SLC24A2: variants seen among roughly 807,000 people sequenced by gnomAD.
The protein encoded by SLC24A2 is solute carrier family 24 member 2, also known as sodium/potassium/calcium exchanger 2.
SLC24A2 carries 36 observed loss-of-function variants against 62.0 expected under a neutral mutation model. The observed-to-expected ratio is 0.58, with a 90% CI of 0.44 to 0.77. The LOEUF is 0.77. Ranked by LOEUF, SLC24A2 falls within the 30% of genes least tolerant of loss-of-function variation. The pLI, the probability that SLC24A2 is intolerant of heterozygous loss-of-function variation, is 0.00. For synonymous variants in SLC24A2, 358 were observed against 294.0 expected, an observed-to-expected ratio of 1.22 and a Z score of -2.23; for missense variants, 846 against 817.9, an observed-to-expected ratio of 1.03 and a Z score of -0.42.
At chr9:20,030,492 G>C in the SLC24A2 span, among the ~76,000 whole-genome samples, 1 of 152,108 alleles carries the variant, frequency 6.6e-6, no homozygotes. Flanking sequence ...GAGGAGGAAG[G>C]GGACTGACTG....
the SLC24A2 span, among the ~76,000 whole-genome samples, chr9:20,130,496 C>A: frequency 6.6e-6 from 1 of 151,480 alleles, no homozygotes; most frequent in Non-Finnish European, 1.5e-5. Context: ...ACCACACAAG[C>A]AAGAACCTAA....
chr9:20,116,299 C>T, the SLC24A2 span, among the ~76,000 whole-genome samples: 1 of 152,108 alleles, frequency 6.6e-6, no homozygotes, highest in South Asian at 2.1e-4. Flanking sequence ...CTGCTTAGGT[C>T]CTTATGGATC....
At chr9:19,723,207 C>T (rs1475724928) in intron 2 of SLC24A2, among the ~76,000 whole-genome samples, 1 of 152,064 alleles carries the variant, frequency 6.6e-6, no homozygotes, top group Non-Finnish European at 1.5e-5. Context: ...ATTTAATTTA[C>T]AATAAATCTC....
chr9:19,631,226 A>T (rs1226960015), intron 2 of SLC24A2, among the ~76,000 whole-genome samples: 1 of 152,182 alleles, frequency 6.6e-6, no homozygotes, highest in Non-Finnish European at 1.5e-5. Context: ...ATTTTTAATG[A>T]GCCCATATGC....
intron 2 of SLC24A2, among the ~76,000 whole-genome samples, chr9:19,758,703 C>T (rs1038098840): frequency 1.1e-4 from 17 of 151,942 alleles, no homozygotes; most frequent in Non-Finnish European, 2.4e-4. Context: ...GGGTCCAAGA[C>T]GAAAGAAGAA....
At chr9:20,108,875 CAT>C in the SLC24A2 span, among the ~76,000 whole-genome samples, 15 of 151,134 alleles carry the variant, frequency 9.9e-5, no homozygotes, top group African/African-American at 3.4e-4. Flanking sequence ...AAAAAGAAAA[CAT>C]AAATGAAAAT....
At chr9:19,775,096 T>G (rs1822807004) in intron 2 of SLC24A2, among the ~76,000 whole-genome samples, 1 of 152,176 alleles carries the variant, frequency 6.6e-6, no homozygotes, top group Admixed American at 6.5e-5. Flanking sequence ...GATGCAAAAT[T>G]GTGACTGCAC....
intron 5 of SLC24A2, among the ~76,000 whole-genome samples, chr9:19,591,341 C>CAGTT (rs1473971619): frequency 1.3e-5 from 2 of 152,202 alleles, no homozygotes; most frequent in East Asian, 3.8e-4. Context: ...CACCAACACA[C>CAGTT]AGTTATATGA....
the SLC24A2 span, among the ~76,000 whole-genome samples, chr9:20,029,516 C>G: frequency 1.3e-5 from 2 of 152,138 alleles, no homozygotes; most frequent in African/African-American, 4.8e-5. Flanking sequence ...TCTTATGGGT[C>G]TCTGTTGGGC....
At chr9:20,024,692 G>A in the SLC24A2 span, among the ~76,000 whole-genome samples, 1 of 152,112 alleles carries the variant, frequency 6.6e-6, no homozygotes. Flanking sequence ...TTGTGTGTGC[G>A]TGTCCAGCTT....
At chr9:19,857,355 C>T in the SLC24A2 span, among the ~76,000 whole-genome samples, 2 of 152,266 alleles carry the variant, frequency 1.3e-5, no homozygotes, top group East Asian at 3.9e-4. Flanking sequence ...CTTCCCATCC[C>T]CAAATCCTCA....
At chr9:19,706,411 G>A (rs1303727153) in intron 2 of SLC24A2, among the ~76,000 whole-genome samples, 8 of 141,286 alleles carry the variant, frequency 5.7e-5, no homozygotes, top group African/African-American at 1.9e-4. Flanking sequence ...ACGGAGTTTC[G>A]CTCTGTCGCC....
intron 2 of SLC24A2, among the ~76,000 whole-genome samples, chr9:19,782,815 C>A (rs936255428): frequency 6.6e-6 from 1 of 152,140 alleles, no homozygotes; most frequent in South Asian, 2.1e-4. Flanking sequence ...TATCATTATT[C>A]TCATTTTCCA....
At chr9:19,775,191 C>A (rs1587308520) in intron 2 of SLC24A2, among the ~76,000 whole-genome samples, 1 of 152,206 alleles carries the variant, frequency 6.6e-6, no homozygotes, top group Non-Finnish European at 1.5e-5. Flanking sequence ...ATACAAGAAC[C>A]ATGTCTGCAT....
the SLC24A2 span, among the ~76,000 whole-genome samples, chr9:20,244,881 T>G: frequency 6.6e-6 from 1 of 152,204 alleles, no homozygotes; most frequent in Non-Finnish European, 1.5e-5. Flanking sequence ...ATCTGTGGTT[T>G]TGATAGAGTG....
chr9:20,205,649 T>TAAAAA, the SLC24A2 span, among the ~76,000 whole-genome samples: 72 of 65,280 alleles, frequency 1.1e-3, no homozygotes, highest in African/African-American at 2.4e-3. Context: ...AGACTCCATC[T>TAAAAA]AAAAAAAAAA....
At chr9:20,065,033 A>G in the SLC24A2 span, among the ~76,000 whole-genome samples, 1 of 152,182 alleles carries the variant, frequency 6.6e-6, no homozygotes, top group Non-Finnish European at 1.5e-5. Context: ...TGATTCCAGA[A>G]CTGGTATCCA....
At chr9:19,950,868 A>G in the SLC24A2 span, among the ~76,000 whole-genome samples, 1 of 152,154 alleles carries the variant, frequency 6.6e-6, no homozygotes, top group Non-Finnish European at 1.5e-5. Context: ...CCCGGAGCCT[A>G]TGAGATTGTG....
the SLC24A2 span, among the ~76,000 whole-genome samples, chr9:19,946,269 G>A: frequency 6.6e-6 from 1 of 152,000 alleles, no homozygotes; most frequent in Admixed American, 6.6e-5. Flanking sequence ...TGCCTGACAC[G>A]GGCACATTTT....
Sources: allele counts gnomAD v4.1 joint callset (sites outside exome capture counted in the v4.1 genomes callset), GRCh38; gene constraint gnomAD v4.1.1; transcripts MANE v1.5; gene names NCBI Gene and HGNC (gene_info 2026-07-23, HGNC 2026-07-21).